The following HERC5 variants were observed in gnomAD, a reference collection of about 807,000 sequenced individuals.
HERC5 encodes the protein HECT and RLD domain containing E3 ubiquitin protein ligase 5, also known as E3 ISG15--protein ligase HERC5.
HERC5 carries 99 observed loss-of-function variants against 119.6 expected under a neutral mutation model. The ratio of observed to expected loss-of-function variants is 0.83; its 90% confidence interval spans 0.70 to 0.98. HERC5 has a LOEUF of 0.98. Among genes scored for constraint, HERC5 ranks in the 50% least tolerant of loss-of-function variants. The pLI is 0.00. For synonymous variants in HERC5, 478 were observed against 445.9 expected (o/e 1.07, Z -0.91); for missense variants, 1,267 against 1,241.3 (o/e 1.02, Z -0.31).
chr4:88,479,000 C>T (rs889360540), intron 12 of HERC5, among the ~76,000 whole-genome samples: 63 of 152,134 alleles, frequency 4.1e-4, no homozygotes, highest in Non-Finnish European at 8.1e-4. Flanking sequence ...CAAATATACC[C>T]AATAAGCTGG....
chr4:88,499,387 A>T (rs929239364), intron 18 of HERC5, among the ~76,000 whole-genome samples: 1 of 152,218 alleles, frequency 6.6e-6, no homozygotes, highest in African/African-American at 2.4e-5. Context: ...TAATTTAAAA[A>T]TTGGTTACTG....
At chr4:88,487,716 T>C (rs1250526122) in intron 15 of HERC5, among the ~76,000 whole-genome samples, 2 of 152,190 alleles carry the variant, frequency 1.3e-5, no homozygotes, top group Admixed American at 1.3e-4. Flanking sequence ...GTTATGTTTG[T>C]AGATGTATCC....
intron 4 of HERC5, 36 bp from the exon 5 acceptor site, chr4:88,463,496 C>G (rs771035202): frequency 7.0e-7 from 1 of 1,435,418 alleles, no homozygotes; most frequent in South Asian, 1.2e-5. Context: ...TCAGCATTTC[C>G]TTTTGGTCAC....
At position 88,463,546 on chromosome 4, in the gene HERC5, T is replaced by G. The variant is rs1424570477; in HGVS notation, c.703T>G (p.Ser235Ala). The G allele has an allele frequency of 2.5e-5, 40 of 1,613,064 alleles. No homozygotes were observed. Among genetic ancestry groups the G allele is most frequent in the Non-Finnish European group, 3.3e-5 (39 of 1,179,172 alleles). Residue 235 changes from serine to alanine, a missense_variant, in exon 5 of 23, where the codon TCC becomes GCC. Ser to Ala is a moderately conservative substitution (Grantham distance 99). Coordinates refer to ENST00000264350, the MANE Select transcript of HERC5 (RefSeq NM_016323.4). ...LGHTESKDDP[S>A]LIEGLDNQKV... ...TCCTTACATAGGTAAAGATGATCCATCCCTTATTGAAGGACTAGACAATCA... is the reference window on the plus strand; with the variant it reads ...TCCTTACATAGGTAAAGATGATCCAGCCCTTATTGAAGGACTAGACAATCA...
chr4:88,463,803 T>C, intron 5 of HERC5, 52 bp from the exon 6 acceptor site: 1 of 1,598,134 alleles, frequency 6.3e-7, no homozygotes, highest in Non-Finnish European at 8.6e-7. Flanking sequence ...CAGTGAATAC[T>C]ACTTTTTTAT....
chr4:88,490,155 G>A (rs866666175), intron 16 of HERC5, among the ~76,000 whole-genome samples: 4 of 152,122 alleles, frequency 2.6e-5, no homozygotes, highest in Non-Finnish European at 5.9e-5. Context: ...CATATAATTT[G>A]TCTTATTAGT....
intron 4 of HERC5, 119 bp from the exon 5 acceptor site, chr4:88,463,413 T>C (rs1370651705): frequency 1.5e-6 from 1 of 662,830 alleles, no homozygotes; most frequent in Non-Finnish European, 2.7e-6. Context: ...ATAGAGCCTT[T>C]CTTGTCAGAA....
intron 11 of HERC5, chr4:88,473,012 T>C (rs1344390289): frequency 6.6e-6 from 1 of 151,960 alleles, no homozygotes; most frequent in Non-Finnish European, 1.5e-5. Flanking sequence ...TCAGCACTGT[T>C]ACTGCTATCT....
intron 20 of HERC5, among the ~76,000 whole-genome samples, chr4:88,503,180 G>GT (rs1741996603): frequency 6.6e-6 from 1 of 151,770 alleles, no homozygotes; most frequent in Non-Finnish European, 1.5e-5. Context: ...TGATTTTTTA[G>GT]TAAGATGCAA....
At chr4:88,457,743 C>T (rs1740224102) in intron 1 of HERC5, 2 of 641,606 alleles carry the variant, frequency 3.1e-6, no homozygotes, top group African/African-American at 3.8e-5. Flanking sequence ...GGGATACTGG[C>T]GACCAGCGGA....
intron 6 of HERC5, among the ~76,000 whole-genome samples, chr4:88,466,677 G>T (rs1297775199): frequency 2.0e-5 from 3 of 152,202 alleles, no homozygotes; most frequent in Admixed American, 2.0e-4. Context: ...AGGAAAATCA[G>T]TGTGGTAAAG....
At chr4:88,494,078 AAG>A in intron 17 of HERC5, 85 bp from the exon 18 acceptor site, 1 of 808,228 alleles carries the variant, frequency 1.2e-6, no homozygotes, top group Non-Finnish European at 1.8e-6. Flanking sequence ...GATTTTATGA[AAG>A]AGAAACAAAG....
intron 11 of HERC5, among the ~76,000 whole-genome samples, chr4:88,472,730 AACACACAT>A (rs930064164): frequency 4.6e-5 from 7 of 152,212 alleles, no homozygotes; most frequent in Non-Finnish European, 8.8e-5. Flanking sequence ...TCTGTACACA[AACACACAT>A]ACACATATAT....
chr4:88,484,039 A>T (rs1352011730), intron 13 of HERC5, among the ~76,000 whole-genome samples: 1 of 152,056 alleles, frequency 6.6e-6, no homozygotes, highest in South Asian at 2.1e-4. Context: ...CCCATTCTGG[A>T]TGGTATTTCT....
intron 21 of HERC5, 24 bp from the exon 22 acceptor site, chr4:88,504,471 A>G: frequency 6.4e-7 from 1 of 1,569,780 alleles, no homozygotes; most frequent in East Asian, 2.3e-5. Flanking sequence ...TTTCCTCAAT[A>G]ACTTTTTTTT....
chr4:88,481,968 C>T (rs1741291770), intron 13 of HERC5, among the ~76,000 whole-genome samples: 1 of 152,122 alleles, frequency 6.6e-6, no homozygotes, highest in Admixed American at 6.6e-5. Flanking sequence ...ACAGGGAGGG[C>T]CAGGTTTGAA....
At chr4:88,457,820 G>A (rs1169208837) in intron 1 of HERC5, 1 of 803,196 alleles carries the variant, frequency 1.2e-6, no homozygotes, top group Non-Finnish European at 1.6e-6. Context: ...TAGCCAGTCT[G>A]GCTTTCTCAT....
chr4:88,457,657 G>T (rs984021118), intron 1 of HERC5, 123 bp downstream of exon 1: 2 of 1,060,278 alleles, frequency 1.9e-6, no homozygotes, highest in Non-Finnish European at 2.4e-6. Flanking sequence ...GCAGACGCGC[G>T]CCTGGCTCGG....
intron 1 of HERC5, 37 bp downstream of exon 1, chr4:88,457,571 T>C: frequency 8.1e-7 from 1 of 1,241,712 alleles, no homozygotes. Flanking sequence ...GTGAGGGCTG[T>C]GAGGGGTGAG....
Sources: allele counts gnomAD v4.1 joint callset (sites outside exome capture counted in the v4.1 genomes callset), GRCh38; gene constraint gnomAD v4.1.1; transcripts MANE v1.5; gene names NCBI Gene and HGNC (gene_info 2026-07-23, HGNC 2026-07-21).